The following ASAH2 variants were observed in gnomAD, a reference collection of about 807,000 sequenced individuals.
ASAH2 encodes N-acylsphingosine amidohydrolase 2, also known as neutral ceramidase.
Under a neutral mutation model 82.9 loss-of-function variants are expected in ASAH2, and 58 were observed. The ratio of observed to expected loss-of-function variants is 0.70; its 90% CI spans 0.57 to 0.87. The LOEUF is 0.87. Among genes scored for constraint, ASAH2 ranks in the 40% least tolerant of loss-of-function variants. ASAH2 has a pLI of 0.00. For missense variants in ASAH2, 779 were observed against 834.0 expected (o/e 0.93, Z 0.81); for synonymous variants, 276 against 289.7 (o/e 0.95, Z 0.48).
rs560379211 is a variant in ASAH2, at chr10:50,185,277, T to C, written c.*2038A>G. On this transcript the variant is annotated 3_prime_UTR_variant, in exon 21 of 21. Coordinates refer to ENST00000682911, the MANE Select transcript of ASAH2 (RefSeq NM_019893.4). ...GATATTGATAATCCAGGAATTTGGTTTTATTTTTACACATGAACTGCGAAC... is the reference window on the plus strand; with the variant it reads ...GATATTGATAATCCAGGAATTTGGTCTTATTTTTACACATGAACTGCGAAC... 3.0e-4 allele frequency: 45 copies of C among 149,446 alleles called. No homozygotes were observed. The highest frequency in any genetic ancestry group is 1.1e-3 in the African/African-American group (45 of 40,282). The allele number at this position is 149,446 out of a possible 1,614,324, so 9.3% of individuals were successfully genotyped here. A position where few individuals can be genotyped will look rare whatever the true frequency, so the allele number is the denominator to read the frequency against.
In ASAH2 at chr10:50,218,612, C is replaced by T. The variant is rs763316221; in HGVS notation, c.912G>A (p.Pro304=). The change falls in exon 8 of 21, where the codon CCG becomes CCA. Residue 304 remains proline, a synonymous_variant. Coordinates refer to ENST00000682911, the MANE Select transcript of ASAH2 (RefSeq NM_019893.4). The part of the protein sequence containing the change: ...LGLISWFAIH[P]VSMNNSNHLV... The stretch of plus-strand genomic sequence containing the variant: ...GATGGTTACTGTTGTTCATGCTGAC[C>T]GGGTGGATGGCAAACCAGCTGTAAA... 157 of 1,613,664 alleles carry T rather than the reference C, an allele frequency of 9.7e-5. 3 individuals carry two copies. The South Asian group carries it at 1.2e-3, about 13-fold the overall frequency.
At position 50,212,993 on chromosome 10, in the gene ASAH2, C is replaced by T; in HGVS notation, c.1206G>A (p.Arg402=). ...DMFDSTQIIG[R]AMYQRAKELY... ...TTACCTTTGCTCTCTGATACATGGC[C>T]CGTCCTATAATTTGTGTGCTGTCAA... The change falls in exon 10 of 21, where the codon CGG becomes CGA. Residue 402 remains arginine (R), a synonymous_variant. Coordinates refer to ENST00000682911, the MANE Select transcript of ASAH2 (RefSeq NM_019893.4). 1.2e-6 allele frequency: 2 copies of T among 1,613,664 alleles called. No homozygotes were observed. The highest frequency in any genetic ancestry group is 1.7e-6 in the Non-Finnish European group (2 of 1,179,670).
chr10:50,247,366 C>T (rs541879881), intron 2 of ASAH2, among the ~76,000 whole-genome samples: 2 of 151,410 alleles, frequency 1.3e-5, no homozygotes, highest in Admixed American at 6.6e-5. Flanking sequence ...GGTTTTGCCA[C>T]GTTGGCCAGG....
intron 16 of ASAH2, among the ~76,000 whole-genome samples, chr10:50,201,509 G>C (rs991738257): frequency 2.0e-5 from 3 of 152,024 alleles, no homozygotes. Context: ...TTCCCATTAA[G>C]GGTTTGAGCA....
At chr10:50,243,928 G>C (rs1473255042) in intron 3 of ASAH2, among the ~76,000 whole-genome samples, 1 of 152,156 alleles carries the variant, frequency 6.6e-6, no homozygotes, top group Non-Finnish European at 1.5e-5. Flanking sequence ...TTCCTGTCGT[G>C]GGTGCAACAG....
chr10:50,235,746 G>A, intron 5 of ASAH2, 142 bp downstream of exon 5: 1 of 883,670 alleles, frequency 1.1e-6, no homozygotes, highest in Non-Finnish European at 1.8e-6. Flanking sequence ...CTAAGATAGA[G>A]TCAGGGAGGA....
intron 1 of ASAH2, among the ~76,000 whole-genome samples, chr10:50,249,700 C>T (rs191224381): frequency 6.6e-6 from 1 of 152,164 alleles, no homozygotes; most frequent in Non-Finnish European, 1.5e-5. Context: ...AATAAATGCT[C>T]AAACTGGTAG....
intron 7 of ASAH2, among the ~76,000 whole-genome samples, chr10:50,223,741 G>A (rs997566091): frequency 1.3e-5 from 2 of 152,074 alleles, no homozygotes; most frequent in Admixed American, 6.6e-5. Context: ...TATACTGACC[G>A]CATGTAGGCT....
chr10:50,221,381 G>A (rs1231540288), intron 7 of ASAH2, among the ~76,000 whole-genome samples: 1 of 152,150 alleles, frequency 6.6e-6, no homozygotes, highest in African/African-American at 2.4e-5. Context: ...GCCAGCTTCA[G>A]CCAACACTGA....
intron 1 of ASAH2, among the ~76,000 whole-genome samples, chr10:50,249,146 G>A (rs536906377): frequency 2.6e-5 from 4 of 152,234 alleles, no homozygotes; most frequent in South Asian, 2.1e-4. Context: ...GGTGAAACCC[G>A]TAACTTTGGC....
chr10:50,221,141 A>G (rs1023473835), intron 7 of ASAH2, among the ~76,000 whole-genome samples: 1 of 152,312 alleles, frequency 6.6e-6, no homozygotes, highest in Non-Finnish European at 1.5e-5. Context: ...ATCCCCTCGC[A>G]GTTATTTGCA....
chr10:50,224,526 G>A (rs1210827649), intron 7 of ASAH2, among the ~76,000 whole-genome samples: 4 of 152,126 alleles, frequency 2.6e-5, no homozygotes, highest in African/African-American at 9.7e-5. Context: ...GCCCTCTTGT[G>A]ACAGAGACGT....
intron 7 of ASAH2, among the ~76,000 whole-genome samples, chr10:50,229,872 C>T (rs893705610): frequency 1.1e-3 from 162 of 152,288 alleles, no homozygotes; most frequent in African/African-American, 3.8e-3. Context: ...TACACACCTG[C>T]CTTTCTTAGC....
intron 7 of ASAH2, among the ~76,000 whole-genome samples, chr10:50,229,688 A>G (rs1259054220): frequency 2.6e-5 from 4 of 151,976 alleles, no homozygotes; most frequent in Non-Finnish European, 5.9e-5. Context: ...CTCCAGCCAC[A>G]CTCACCTTTT....
At chr10:50,232,914 C>G (rs950412877) in intron 7 of ASAH2, among the ~76,000 whole-genome samples, 1 of 152,026 alleles carries the variant, frequency 6.6e-6, no homozygotes, top group African/African-American at 2.4e-5. Flanking sequence ...GTATCATATG[C>G]GAGATGCTGT....
chr10:50,231,809 A>G (rs1473824353), intron 7 of ASAH2, among the ~76,000 whole-genome samples: 1 of 152,292 alleles, frequency 6.6e-6, no homozygotes, highest in Non-Finnish European at 1.5e-5. Flanking sequence ...AAGCATTCTA[A>G]TATGCTGGTA....
intron 3 of ASAH2, 122 bp from the exon 4 acceptor site, chr10:50,243,473 G>A (rs953457451): frequency 3.4e-5 from 36 of 1,057,306 alleles, no homozygotes; most frequent in Non-Finnish European, 4.5e-5. Context: ...TGACATGGTG[G>A]CTCTGAGTGA....
intron 4 of ASAH2, among the ~76,000 whole-genome samples, chr10:50,238,944 T>C (rs1846225782): frequency 6.6e-6 from 1 of 152,182 alleles, no homozygotes; most frequent in South Asian, 2.1e-4. Flanking sequence ...AACCTAGTCA[T>C]ATAACAATGC....
intron 18 of ASAH2, among the ~76,000 whole-genome samples, chr10:50,194,888 C>A (rs1289200510): frequency 1.3e-5 from 2 of 151,072 alleles, no homozygotes; most frequent in Non-Finnish European, 3.0e-5. Context: ...TAAAAATTAA[C>A]TCAAAATTGA....
Sources: allele counts gnomAD v4.1 joint callset (sites outside exome capture counted in the v4.1 genomes callset), GRCh38; gene constraint gnomAD v4.1.1; transcripts MANE v1.5; gene names NCBI Gene and HGNC (gene_info 2026-07-23, HGNC 2026-07-21).